The following ZMYND15 variants were observed in gnomAD, a reference collection of about 807,000 sequenced individuals.
ZMYND15 encodes zinc finger MYND-type containing 15, also known as zinc finger MYND domain-containing protein 15.
In ZMYND15, 54 loss-of-function variants were observed where a neutral mutation model predicts 81.7. The observed-to-expected ratio is 0.66, with a 90% confidence interval of 0.53 to 0.83. The LOEUF (loss-of-function observed/expected upper bound fraction) is 0.83, where lower values mean the gene tolerates loss of function less well. Among genes scored for constraint, ZMYND15 ranks in the 40% least tolerant of loss-of-function variants. The pLI is 0.00. For synonymous variants in ZMYND15, 399 were observed against 387.0 expected, an observed-to-expected ratio of 1.03 and a Z score of -0.36; for missense variants, 925 against 973.5, an observed-to-expected ratio of 0.95 and a Z score of 0.66.
Position 4,741,133 on chromosome 17 carries a change from G to T in ZMYND15, c.585G>T (p.Gln195His). Residue 195 changes from glutamine to histidine, a missense_variant, in exon 2 of 14, where the codon CAG (glutamine) becomes CAT (histidine). By Grantham distance (24) the Gln-to-His change is conservative. Transcript: ENST00000433935. The stretch of plus-strand genomic sequence containing the variant: ...CAAGACCCCAGAAGAGGAAGGGACA[G>T]AGGAGTGGTAAGAACCCAGGGCTGG... ...NETRPQKRKG[Q>H]RSEAAPLHVS... 6.8e-7 allele frequency: 1 copy of T among 1,472,084 alleles called. No individual in the cohort carries two copies. The allele number at this position is 1,472,084 out of a possible 1,614,324, so 91.2% of individuals were successfully genotyped here.
Position 4,745,514 on chromosome 17 carries a change from C to T in ZMYND15, c.2057+139C>T, listed in dbSNP as rs1597285705. 7 of 1,001,836 alleles carry T rather than the reference C, an allele frequency of 7.0e-6. No individual in the cohort carries two copies. In the East Asian group the frequency reaches 1.8e-4, roughly 26 times the overall value. The allele number at this position is 1,001,836 out of a possible 1,614,324, so 62.1% of individuals were successfully genotyped here. ...CCCCCAGCCCAGCAACCTGCCTTCT[C>T]TGTCCCCACTACTCGTCGCCCCCAT... On this transcript the variant is annotated intron_variant, in intron 13 of 13. Transcript: ENST00000433935. The surrounding 1 kb of genome is among the most constrained non-coding windows in gnomAD (Gnocchi z 5.2).
At position 4,740,819 on chromosome 17, in the gene ZMYND15, G is replaced by T; in HGVS notation, c.271G>T (p.Asp91Tyr). Residue 91 changes from aspartate to tyrosine, a missense_variant, in exon 2 of 14, where the codon GAC (aspartate) becomes TAC (tyrosine). Physicochemically the swap from Asp to Tyr is radical, Grantham distance 160. Transcript: ENST00000433935. ...PGLGTAWLLG[D>Y]NPPLHLRDLS... The stretch of plus-strand genomic sequence containing the variant: ...CCTGGGGACTGCCTGGCTCCTGGGA[G>T]ACAACCCTCCACTCCACCTGCGAGA... 1 of 1,585,106 alleles carries T rather than the reference G, an allele frequency of 6.3e-7. No individual in the cohort carries two copies. Among genetic ancestry groups the T allele is most frequent in the Admixed American group, 1.7e-5 (1 of 57,456 alleles).
At position 4,743,481 on chromosome 17, in the gene ZMYND15, G is replaced by A. The variant is rs774896386; in HGVS notation, c.1297+26G>A. The A allele has an allele frequency of 2.8e-5, 45 of 1,612,354 alleles. No homozygotes were observed. Among genetic ancestry groups the A allele is most frequent in the Middle Eastern group, 1.7e-4 (1 of 5,850 alleles). ...GTGCGTGGGGTCTCTCCAGGCATGGGCCCCTTGGCCTAGAGGGAAGGACTG... is the reference window on the plus strand; with the variant it reads ...GTGCGTGGGGTCTCTCCAGGCATGGACCCCTTGGCCTAGAGGGAAGGACTG... On this transcript the variant is annotated intron_variant, in intron 6 of 13. Coordinates refer to ENST00000433935, the MANE Select transcript of ZMYND15 (RefSeq NM_001136046.3). This position sits in a 1 kb window ranked among gnomAD's most constrained non-coding sequence, Gnocchi z 4.3.
In ZMYND15 at chr17:4,745,885, G is replaced by T. The variant is rs1489667930; in HGVS notation, c.2124G>T (p.Ala708=). 6.4e-7 allele frequency: 1 copy of T among 1,566,536 alleles called. No homozygotes were observed. The highest frequency in any genetic ancestry group is 8.6e-7 in the Non-Finnish European group (1 of 1,158,478). The part of the protein sequence containing the change: ...KPAQGSGARP[A]PGPPPPSPTP... ...CTCAAGGGAGCGGGGCCCGCCCGGC[G>T]CCCGGGCCCCCACCCCCATCCCCAA... is the stretch of plus-strand genomic sequence containing the variant. The change falls in exon 14 of 14, where the codon GCG becomes GCT. Residue 708 remains alanine (A), a synonymous_variant. Transcript: ENST00000433935. This position sits in a 1 kb window ranked among gnomAD's most constrained non-coding sequence, Gnocchi z 5.2.
intron 1 of ZMYND15, 127 bp from the exon 2 acceptor site, chr17:4,740,392 T>C: frequency 7.4e-7 from 1 of 1,351,826 alleles, no homozygotes; most frequent in Non-Finnish European, 9.6e-7. Flanking sequence ...TCTTCTCCGC[T>C]CCTAGCATAT....
rs1916313561 is a variant in ZMYND15, at chr17:4,740,069, G to A, written c.-31+19G>A. On this transcript the variant is annotated intron_variant, in intron 1 of 13. Coordinates refer to ENST00000433935, the MANE Select transcript of ZMYND15 (RefSeq NM_001136046.3). ...GCTGCAGGTACCGGAGGAGTGGGGC[G>A]GCCGGGAGGGGCTAGGTCTACCGGG... The A allele has an allele frequency of 2.0e-6, 2 of 986,134 alleles. No individual in the cohort carries two copies. Among genetic ancestry groups the A allele is most frequent in the Non-Finnish European group, 2.4e-6 (2 of 830,438 alleles). The allele number at this position is 986,134 out of a possible 1,614,324, so 61.1% of individuals were successfully genotyped here. A position where few individuals can be genotyped will look rare whatever the true frequency, so the allele number is the denominator to read the frequency against.
Position 4,740,879 on chromosome 17 carries a change from G to A in ZMYND15, c.331G>A (p.Asp111Asn), listed in dbSNP as rs1250347835. 1 of 1,579,714 alleles carries A rather than the reference G, an allele frequency of 6.3e-7. No individual in the cohort carries two copies. Among genetic ancestry groups the A allele is most frequent in the South Asian group, 1.2e-5 (1 of 86,100 alleles). The change falls in exon 2 of 14, where the codon GAT becomes AAT. Residue 111 changes from aspartate to asparagine, a missense_variant. Physicochemically the swap from Asp to Asn is conservative, Grantham distance 23 (BLOSUM62 1). Transcript: ENST00000433935. ...CTACATCAGCTTTGTCAGCCTAGAG[G>A]ATGGGGAGGAAGGGGAGGAGGAAGA... ...SPYISFVSLE[D>N]GEEGEEEEEE...
At position 4,744,485 on chromosome 17, in the gene ZMYND15, C is replaced by T. The variant is rs1211610085; in HGVS notation, c.1683+18C>T. The T allele has an allele frequency of 2.5e-6, 4 of 1,608,292 alleles. No homozygotes were observed. In the South Asian group the frequency reaches 4.4e-5, roughly 18 times the overall value. On this transcript the variant is annotated intron_variant, in intron 10 of 13. Transcript: ENST00000433935. The surrounding 1 kb of genome is among the most constrained non-coding windows in gnomAD (Gnocchi z 4.1). ...TGCAGAGGGTGAGGGCTGAGGGGGC[C>T]CTGCTTTTCAGCCCTGACCCCTCCA...
Position 4,745,110 on chromosome 17 carries a change from C to A in ZMYND15, c.1897-105C>A. On this transcript the variant is annotated intron_variant, in intron 12 of 13. Transcript: ENST00000433935. The surrounding 1 kb of genome is among the most constrained non-coding windows in gnomAD (Gnocchi z 5.2). ...TCTCCGTCCTCCCCCTGCTCCCCTC[C>A]GCCCGGTCTGTCCGGGGACCTCGGC... 1 of 1,589,358 alleles carries A rather than the reference C, an allele frequency of 6.3e-7. No homozygotes were observed. The highest frequency in any genetic ancestry group is 8.6e-7 in the Non-Finnish European group (1 of 1,163,712).
In ZMYND15 at chr17:4,740,548, C is replaced by T. The variant is rs767713083; in HGVS notation, c.-1C>T. ...GGCCGGGGCCCTGTGCCGCTGAAGACATGGAGTTTGTGTCTGGATACCGGG... is the reference window on the plus strand; with the variant it reads ...GGCCGGGGCCCTGTGCCGCTGAAGATATGGAGTTTGTGTCTGGATACCGGG... On this transcript the variant is annotated 5_prime_UTR_variant, in exon 2 of 14. Transcript: ENST00000433935. 4 of 1,591,434 alleles carry T rather than the reference C, an allele frequency of 2.5e-6. No homozygotes were observed. The highest frequency in any genetic ancestry group is 3.4e-6 in the Non-Finnish European group (4 of 1,165,542).
Position 4,745,376 on chromosome 17 carries a change from G to C in ZMYND15, c.2057+1G>C. The C allele has an allele frequency of 6.3e-7, 1 of 1,595,924 alleles. No homozygotes were observed. Among genetic ancestry groups the C allele is most frequent in the South Asian group, 1.1e-5 (1 of 88,922 alleles). ...GAGCGGCCGACAACTGCATGTCCTG[G>C]TAAGGGTCTGCGACCCTATTTCCTT... is the stretch of plus-strand genomic sequence containing the variant. On this transcript the variant is annotated splice_donor_variant, in intron 13 of 13. Coordinates refer to ENST00000433935, the MANE Select transcript of ZMYND15 (RefSeq NM_001136046.3). LOFTEE classifies it high-confidence loss of function. The surrounding 1 kb of genome is among the most constrained non-coding windows in gnomAD (Gnocchi z 5.2).
chr17:4,740,358 C>A, intron 1 of ZMYND15, 161 bp from the exon 2 acceptor site: 3 of 1,243,790 alleles, frequency 2.4e-6, no homozygotes, highest in Non-Finnish European at 3.1e-6. Context: ...TCCCTAAACT[C>A]CCATCCTCAG....
In ZMYND15 at chr17:4,743,159, A is replaced by G; in HGVS notation, c.1145-144A>G. On this transcript the variant is annotated intron_variant, in intron 5 of 13. Coordinates refer to ENST00000433935, the MANE Select transcript of ZMYND15 (RefSeq NM_001136046.3). The surrounding 1 kb of genome is among the most constrained non-coding windows in gnomAD (Gnocchi z 4.3). ...GAGACTGAGGTGGGAGAATCGTTTG[A>G]GTCCAAGAGGTCGAGGCTGTAGTGT... 3.2e-6 allele frequency: 3 copies of G among 932,702 alleles called. No individual in the cohort carries two copies. The highest frequency in any genetic ancestry group is 4.8e-6 in the Non-Finnish European group (3 of 629,636). 57.8% of individuals were successfully genotyped at this position (932,702 alleles called of 1,614,324 possible).
rs762666760 is a variant in ZMYND15, at chr17:4,745,068, G to A, written c.1896+140G>A. 2 of 1,537,282 alleles carry A rather than the reference G, an allele frequency of 1.3e-6. No individual in the cohort carries two copies. Among genetic ancestry groups the A allele is most frequent in the Non-Finnish European group, 1.8e-6 (2 of 1,119,496 alleles). ...CTGGGGAGTGCCCACGGGTCCCCCT[G>A]CCTCTCTCTGTGTCTGTCTCCGTCC... On this transcript the variant is annotated intron_variant, in intron 12 of 13. Coordinates refer to ENST00000433935, the MANE Select transcript of ZMYND15 (RefSeq NM_001136046.3). This position sits in a 1 kb window ranked among gnomAD's most constrained non-coding sequence, Gnocchi z 5.2.
Position 4,743,762 on chromosome 17 carries a change from C to T in ZMYND15, c.1298-5C>T, listed in dbSNP as rs370099916. ...CCCAGGCCCCTCCTTCTTTCATCCT[C>T]TCAGGAGACCCCTACCAGCTTCTCC... On this transcript the variant is annotated splice_region_variant and splice_polypyrimidine_tract_variant and intron_variant, in intron 6 of 13. Coordinates refer to ENST00000433935, the MANE Select transcript of ZMYND15 (RefSeq NM_001136046.3). This position sits in a 1 kb window ranked among gnomAD's most constrained non-coding sequence, Gnocchi z 4.3. 47 of 1,612,998 alleles carry T rather than the reference C, an allele frequency of 2.9e-5. No homozygotes were observed. In the African/African-American group the frequency reaches 5.5e-4, roughly 19 times the overall value.
In ZMYND15 at chr17:4,744,435, G is replaced by A. The variant is rs143021472; in HGVS notation, c.1651G>A (p.Glu551Lys). 38 of 1,614,010 alleles carry A rather than the reference G, an allele frequency of 2.4e-5. No individual in the cohort carries two copies. The highest frequency in any genetic ancestry group is 2.9e-5 in the Non-Finnish European group (34 of 1,180,020). ...LQFVGDGLPP[E>K]SDEQHFTLQR... is the part of the protein sequence containing the mutation. The stretch of plus-strand genomic sequence containing the variant: ...GTTTGTAGGTGATGGCCTGCCCCCC[G>A]AAAGCGACGAGCAGCATTTTACCCT... The change falls in exon 10 of 14, where the codon GAA becomes AAA. Residue 551 changes from glutamate (E) to lysine (K), a missense_variant. Coordinates refer to ENST00000433935, the MANE Select transcript of ZMYND15 (RefSeq NM_001136046.3). The surrounding 1 kb of genome is among the most constrained non-coding windows in gnomAD (Gnocchi z 4.1).
At position 4,745,555 on chromosome 17, in the gene ZMYND15, C is replaced by T. The variant is rs1434133100; in HGVS notation, c.2057+180C>T. ...TCGCCCCCATGGGAGGTCTCGACATCCCCCAGCACACCCCTCTTTAGATCT... is the reference window on the plus strand; with the variant it reads ...TCGCCCCCATGGGAGGTCTCGACATTCCCCAGCACACCCCTCTTTAGATCT... On this transcript the variant is annotated intron_variant, in intron 13 of 13. Coordinates refer to ENST00000433935, the MANE Select transcript of ZMYND15 (RefSeq NM_001136046.3). This position sits in a 1 kb window ranked among gnomAD's most constrained non-coding sequence, Gnocchi z 5.2. Among the ~76,000 whole-genome samples, 1 of 151,876 alleles carries T rather than the reference C, an allele frequency of 6.6e-6. No homozygotes were observed. The highest frequency in any genetic ancestry group is 1.9e-4 in the East Asian group (1 of 5,140).
chr17:4,743,479 G>C lies in ZMYND15; in HGVS notation c.1297+24G>C. 6.2e-7 allele frequency: 1 copy of C among 1,612,520 alleles called. No homozygotes were observed. The highest frequency in any genetic ancestry group is 1.1e-5 in the South Asian group (1 of 90,986). On this transcript the variant is annotated intron_variant, in intron 6 of 13. Transcript: ENST00000433935. The surrounding 1 kb of genome is among the most constrained non-coding windows in gnomAD (Gnocchi z 4.3). The stretch of plus-strand genomic sequence containing the variant: ...TGGTGCGTGGGGTCTCTCCAGGCAT[G>C]GGCCCCTTGGCCTAGAGGGAAGGAC...
rs1389247284 is a variant in ZMYND15, at chr17:4,743,392, C to T, written c.1234C>T (p.Pro412Ser). The T allele has an allele frequency of 1.2e-6, 2 of 1,614,126 alleles. No homozygotes were observed. Among genetic ancestry groups the T allele is most frequent in the Admixed American group, 3.3e-5 (2 of 60,024 alleles). The change falls in exon 6 of 14, where the codon CCA (proline) becomes TCA (serine). Residue 412 changes from proline to serine, a missense_variant. Pro to Ser is a moderately conservative substitution (Grantham distance 74, BLOSUM62 -1). Transcript: ENST00000433935. This position sits in a 1 kb window ranked among gnomAD's most constrained non-coding sequence, Gnocchi z 4.3. ...TTGGACCCAGCTCAGCATGCTGATT[C>T]CAGGCCCGGGCTTCTCCAGACACCC... The part of the protein sequence containing the change: ...GYWTQLSMLI[P>S]GPGFSRHPRG...
Sources: allele counts gnomAD v4.1 joint callset (sites outside exome capture counted in the v4.1 genomes callset), GRCh38; gene constraint gnomAD v4.1.1; non-coding constraint Gnocchi (gnomAD v3.1); transcripts MANE v1.5; gene names NCBI Gene and HGNC (gene_info 2026-07-23, HGNC 2026-07-21).